Variants in SOX6 observed in about 807,000 individuals in gnomAD.
The protein encoded by SOX6 is transcription factor SOX-6.
A neutral mutation model predicts 97.8 loss-of-function variants in SOX6; 11 were observed. The ratio of observed to expected loss-of-function variants is 0.11; its 90% CI spans 0.07 to 0.19. The LOEUF is 0.19. SOX6 is among the 10% of genes least tolerant of loss of function. The pLI is 1.00. For synonymous variants in SOX6, 360 were observed against 371.4 expected (o/e 0.97, Z 0.35); for missense variants, 810 against 1,039.5 (o/e 0.78, Z 3.04).
chr11:16,124,118 CCT>C (rs1323496563), intron 6 of SOX6, among the ~76,000 whole-genome samples: 2 of 152,046 alleles, frequency 1.3e-5, no homozygotes, highest in African/African-American at 4.8e-5. Context: ...CATAAATTTC[CCT>C]CTGTCAATAT....
chr11:16,082,245 G>C (rs535874601), intron 9 of SOX6, among the ~76,000 whole-genome samples: 1 of 152,248 alleles, frequency 6.6e-6, no homozygotes, highest in South Asian at 2.1e-4. Context: ...AGTCTGTTGG[G>C]TCTCTTGTCT....
intron 4 of SOX6, among the ~76,000 whole-genome samples, chr11:16,514,905 C>T (rs1028522514): frequency 1.3e-5 from 2 of 151,682 alleles, no homozygotes; most frequent in Non-Finnish European, 1.5e-5. Context: ...CATAGTATTC[C>T]ATGGTGTATA....
chr11:16,288,429 G>A (rs1326395341), intron 3 of SOX6, among the ~76,000 whole-genome samples: 1 of 151,860 alleles, frequency 6.6e-6, no homozygotes, highest in Non-Finnish European at 1.5e-5. Flanking sequence ...CTTTGTGTTT[G>A]TTTACAAGGG....
chr11:16,122,535 T>C (rs959914678), intron 6 of SOX6, among the ~76,000 whole-genome samples: 3 of 152,062 alleles, frequency 2.0e-5, no homozygotes, highest in Non-Finnish European at 4.4e-5. Context: ...AATTCAGATA[T>C]AAACCGTTCA....
In SOX6 at chr11:16,605,099, G is replaced by T. The variant is rs1227597726; in HGVS notation, n.609+6982C>A. Among the ~76,000 whole-genome samples, 1 of 151,940 alleles carries T rather than the reference G, an allele frequency of 6.6e-6. No homozygotes were observed. The highest frequency in any genetic ancestry group is 6.5e-5 in the Admixed American group (1 of 15,276). ...CCGGGCTCGGGCTGGGTCCCGGGGC[G>T]GGTGGCAGCACCGCCCCCTGCCCTG... On this transcript the variant is annotated intron_variant and non_coding_transcript_variant, in intron 4 of 5. Transcript: ENST00000524520. This position sits in a 1 kb window ranked among gnomAD's most constrained non-coding sequence, Gnocchi z 5.3.
At chr11:16,651,086 A>G (rs545682448) in intron 3 of SOX6, among the ~76,000 whole-genome samples, 67 of 152,102 alleles carry the variant, frequency 4.4e-4, no homozygotes, top group African/African-American at 6.7e-4. Flanking sequence ...AGAAATAGAA[A>G]CTGAACAAAC....
At chr11:16,620,602 G>A (rs1565195375) in intron 3 of SOX6, among the ~76,000 whole-genome samples, 1 of 152,082 alleles carries the variant, frequency 6.6e-6, no homozygotes, top group East Asian at 1.9e-4. Context: ...TGTATTCAAG[G>A]TTTTCATCAA....
intron 12 of SOX6, among the ~76,000 whole-genome samples, chr11:16,032,904 T>C (rs2133887699): frequency 6.6e-6 from 1 of 152,292 alleles, no homozygotes; most frequent in East Asian, 1.9e-4. Context: ...GTCTCTCCTC[T>C]TCTACAGAAC....
intron 7 of SOX6, among the ~76,000 whole-genome samples, chr11:16,103,485 A>T (rs376309824): frequency 1.3e-5 from 2 of 152,000 alleles, no homozygotes; most frequent in Non-Finnish European, 2.9e-5. Context: ...CTAAAAGTAG[A>T]CCTACTGTTT....
At chr11:16,097,301 T>C (rs1055973304) in intron 8 of SOX6, among the ~76,000 whole-genome samples, 1 of 151,844 alleles carries the variant, frequency 6.6e-6, no homozygotes, top group South Asian at 2.1e-4. Context: ...GAGACACAGA[T>C]GAAAAACTAA....
At chr11:16,146,012 A>G (rs996135907) in intron 6 of SOX6, among the ~76,000 whole-genome samples, 4 of 152,190 alleles carry the variant, frequency 2.6e-5, no homozygotes, top group Non-Finnish European at 5.9e-5. Flanking sequence ...TTTAAAGTTC[A>G]TATGGAACCA....
chr11:16,624,150 T>C (rs980392395), intron 3 of SOX6, among the ~76,000 whole-genome samples: 4 of 152,024 alleles, frequency 2.6e-5, no homozygotes, highest in Non-Finnish European at 4.4e-5. Flanking sequence ...ATCCATGCTG[T>C]CATGCATTTC....
intron 4 of SOX6, among the ~76,000 whole-genome samples, chr11:16,523,088 C>A (rs1861097644): frequency 1.3e-5 from 2 of 152,278 alleles, no homozygotes; most frequent in South Asian, 4.2e-4. Flanking sequence ...AAAAAGTTAA[C>A]AAGGATATCC....
chr11:16,700,818 T>C (rs1055306683), intron 3 of SOX6, among the ~76,000 whole-genome samples: 1 of 152,196 alleles, frequency 6.6e-6, no homozygotes. Flanking sequence ...GGTCTCTGGG[T>C]GCACCAGCAT....
chr11:16,189,287 C>G (rs558037494), intron 4 of SOX6, among the ~76,000 whole-genome samples: 63 of 152,144 alleles, frequency 4.1e-4, no homozygotes, highest in African/African-American at 1.4e-3. Context: ...TTTGAAGGAG[C>G]TTTCCAGAAA....
chr11:15,979,808 T>G (rs11023809), intron 15 of SOX6, among the ~76,000 whole-genome samples: 6 of 151,782 alleles, frequency 4.0e-5, no homozygotes, highest in South Asian at 2.1e-4. Flanking sequence ...TTTCCATGAC[T>G]GCCCTATTTA....
chr11:16,448,747 A>T (rs531117782), intron 1 of SOX6, among the ~76,000 whole-genome samples: 1 of 152,200 alleles, frequency 6.6e-6, no homozygotes, highest in Non-Finnish European at 1.5e-5. Context: ...ATAATATATT[A>T]CAGGGCAAGT....
intron 12 of SOX6, among the ~76,000 whole-genome samples, chr11:16,031,140 G>A (rs1395745477): frequency 6.6e-6 from 1 of 152,162 alleles, no homozygotes; most frequent in Non-Finnish European, 1.5e-5. Context: ...AGATGACACA[G>A]ATACTCAGAT....
At chr11:16,379,629 G>A (rs988672205) in intron 1 of SOX6, among the ~76,000 whole-genome samples, 2 of 152,070 alleles carry the variant, frequency 1.3e-5, no homozygotes, top group Non-Finnish European at 2.9e-5. Flanking sequence ...GGAAAAATGA[G>A]TACTCTTATA....
Sources: allele counts gnomAD v4.1 joint callset (sites outside exome capture counted in the v4.1 genomes callset), GRCh38; gene constraint gnomAD v4.1.1; non-coding constraint Gnocchi (gnomAD v3.1); transcripts MANE v1.5; gene names NCBI Gene and HGNC (gene_info 2026-07-23, HGNC 2026-07-21).